DLGAP3: variants seen among roughly 807,000 people sequenced by gnomAD.
The protein encoded by DLGAP3 is DLG associated protein 3, also known as disks large-associated protein 3.
DLGAP3 carries 17 observed loss-of-function variants against 81.2 expected under a neutral mutation model. That is an observed-to-expected ratio of 0.21 (90% CI 0.14 to 0.31). The LOEUF is 0.31. Ranked by LOEUF, DLGAP3 falls within the 10% of genes least tolerant of loss-of-function variation. The probability of loss-of-function intolerance (pLI) is 1.00; values close to 1 mark genes in which losing one functional copy is unlikely to be tolerated. For synonymous variants in DLGAP3, 577 were observed against 587.4 expected, an observed-to-expected ratio of 0.98 and a Z score of 0.26; for missense variants, 1,124 against 1,388.0, an observed-to-expected ratio of 0.81 and a Z score of 3.02.
intron 5 of DLGAP3, among the ~76,000 whole-genome samples, chr1:34,899,335 T>C (rs1472514004): frequency 6.6e-6 from 1 of 152,236 alleles, no homozygotes. Context: ...CCCAAAGTGC[T>C]GGGATCACAG....
rs746132929 is a variant in DLGAP3 at position 34,868,901 on chromosome 1, G to A, written c.2189C>T (p.Thr730Met). The change falls in exon 9 of 12, where the codon ACG (threonine) becomes ATG (methionine). Residue 730 changes from threonine to methionine, a missense_variant. This residue lies in a region of DLGAP3 where 379 missense variants were observed against 455.7 expected (regional missense o/e 0.83). Coordinates refer to ENST00000373347, the MANE Select transcript of DLGAP3 (RefSeq NM_001080418.3). The surrounding 1 kb of genome is among the most constrained non-coding windows in gnomAD (Gnocchi z 7.5). ...PRAPTYSVFR[T>M]VHTQGQWAYR... is the part of the protein sequence containing the mutation. ...GGCCCACTGGCCCTGCGTGTGGACCGTGCGGAAGACTGAGTAGGTGGGGGC... is the reference window on the plus strand; with the variant it reads ...GGCCCACTGGCCCTGCGTGTGGACCATGCGGAAGACTGAGTAGGTGGGGGC... The A allele has an allele frequency of 1.2e-5, 20 of 1,606,042 alleles. No individual in the cohort carries two copies. Among genetic ancestry groups the A allele is most frequent in the East Asian group, 2.2e-5 (1 of 44,858 alleles).
At chr1:34,874,979 G>A (rs1463855416) in intron 8 of DLGAP3, among the ~76,000 whole-genome samples, 1 of 152,102 alleles carries the variant, frequency 6.6e-6, no homozygotes, top group Non-Finnish European at 1.5e-5. Context: ...CCAGCCTGGG[G>A]GCTGTGACAG....
intron 1 of DLGAP3, among the ~76,000 whole-genome samples, chr1:34,910,822 C>G (rs1639628380): frequency 6.6e-6 from 1 of 152,194 alleles, no homozygotes; most frequent in Admixed American, 6.5e-5. Context: ...GATTGTCCAT[C>G]TCTCCCATTA....
intron 3 of DLGAP3, among the ~76,000 whole-genome samples, chr1:34,901,987 A>G (rs1291718991): frequency 6.6e-6 from 1 of 152,162 alleles, no homozygotes; most frequent in East Asian, 1.9e-4. Context: ...CAAGCCCTGG[A>G]AGAAGGATCG....
At chr1:34,901,189 G>A (rs1430643287) in intron 3 of DLGAP3, among the ~76,000 whole-genome samples, 4 of 152,056 alleles carry the variant, frequency 2.6e-5, no homozygotes, top group African/African-American at 7.2e-5. Context: ...AGTCATGGGC[G>A]GCAGCTGAAT....
At chr1:34,884,120 T>C (rs1019952626) in intron 8 of DLGAP3, among the ~76,000 whole-genome samples, 2 of 152,024 alleles carry the variant, frequency 1.3e-5, no homozygotes, top group African/African-American at 4.8e-5. Flanking sequence ...GGTTTTGCCA[T>C]GTTGGCCAGG....
chr1:34,908,559 AGCCGTGACTGGAAGACTAATGAT>A (rs1267636461), intron 1 of DLGAP3, among the ~76,000 whole-genome samples: 1 of 152,214 alleles, frequency 6.6e-6, no homozygotes, highest in Non-Finnish European at 1.5e-5. Context: ...AGTTTGCAGC[AGCCGTGACTGGAAGACTAATGAT>A]GTCATTATTA....
chr1:34,896,324 T>C (rs1475829131), intron 5 of DLGAP3, among the ~76,000 whole-genome samples: 1 of 151,994 alleles, frequency 6.6e-6, no homozygotes, highest in African/African-American at 2.4e-5. Context: ...TGGTGGCTCA[T>C]GTCTGTAAAC....
Position 34,865,952 on chromosome 1 carries a change from CG to C in DLGAP3, c.*130del. ...AAAACCCACGAGAGTGTGACGGGCC[CG>C]GGGGCCGGGGCGTCCGGTGCCGGTG... On this transcript the variant is annotated 3_prime_UTR_variant, in exon 12 of 12. Transcript: ENST00000373347. 5.0e-6 allele frequency: 4 copies of C among 807,568 alleles called. No homozygotes were observed. The highest frequency in any genetic ancestry group is 1.8e-5 in the African/African-American group (1 of 56,744). 50.0% of individuals were successfully genotyped at this position (807,568 alleles called of 1,614,324 possible).
At chr1:34,892,736 C>A (rs1372420093) in intron 5 of DLGAP3, among the ~76,000 whole-genome samples, 1 of 151,996 alleles carries the variant, frequency 6.6e-6, no homozygotes, top group Non-Finnish European at 1.5e-5. Context: ...GCTCAATGAA[C>A]CTAAAGTAGG....
chr1:34,872,769 T>C (rs1197678720), intron 8 of DLGAP3, among the ~76,000 whole-genome samples: 2 of 152,186 alleles, frequency 1.3e-5, no homozygotes, highest in Admixed American at 6.5e-5. Flanking sequence ...GCTCTGAAGA[T>C]AGAAGCAAGC....
chr1:34,907,132 C>T (rs1285025333), intron 2 of DLGAP3, among the ~76,000 whole-genome samples: 1 of 152,172 alleles, frequency 6.6e-6, no homozygotes, highest in Non-Finnish European at 1.5e-5. Flanking sequence ...TTCCCAAGTA[C>T]TCGCCATATA....
chr1:34,872,005 T>C (rs1337307672), intron 8 of DLGAP3, among the ~76,000 whole-genome samples: 1 of 152,084 alleles, frequency 6.6e-6, no homozygotes, highest in Non-Finnish European at 1.5e-5. Context: ...CGCTTATCCC[T>C]GTGCAAGTGG....
chr1:34,915,609 T>G (rs1639705164), intron 1 of DLGAP3, among the ~76,000 whole-genome samples: 1 of 152,188 alleles, frequency 6.6e-6, no homozygotes, highest in Non-Finnish European at 1.5e-5. Context: ...GCCTGAGCCC[T>G]CCTTCTGAGC....
chr1:34,918,667 C>G (rs1490751881), intron 1 of DLGAP3, among the ~76,000 whole-genome samples: 2 of 152,178 alleles, frequency 1.3e-5, no homozygotes, highest in African/African-American at 4.8e-5. Context: ...GGGCTCTTAT[C>G]CCCTCAGCCC....
At chr1:34,881,563 T>A (rs1195980227) in intron 8 of DLGAP3, among the ~76,000 whole-genome samples, 1 of 152,062 alleles carries the variant, frequency 6.6e-6, no homozygotes, top group Non-Finnish European at 1.5e-5. Flanking sequence ...AGAAGGAGCC[T>A]GGAGTTCTGA....
chr1:34,888,951 C>T (rs1004555407), intron 5 of DLGAP3, among the ~76,000 whole-genome samples: 1 of 152,188 alleles, frequency 6.6e-6, no homozygotes, highest in African/African-American at 2.4e-5. Context: ...TAATCTAACC[C>T]TAGCAGAAAG....
intron 5 of DLGAP3, among the ~76,000 whole-genome samples, chr1:34,896,585 T>TCACACACACACACA (rs10593156): frequency 0.018 from 2,663 of 146,848 alleles, 39 homozygotes; most frequent in Middle Eastern, 0.024. Flanking sequence ...CCAGACTCCA[T>TCACACACACACACA]CACACACACA....
intron 8 of DLGAP3, among the ~76,000 whole-genome samples, chr1:34,881,900 C>A (rs75067580): frequency 0.052 from 7,863 of 152,190 alleles, 352 homozygotes; most frequent in East Asian, 0.2. Context: ...TTTCCTTAAC[C>A]TGACAAATGG....
Sources: allele counts gnomAD v4.1 joint callset (sites outside exome capture counted in the v4.1 genomes callset), GRCh38; gene constraint gnomAD v4.1.1; regional missense constraint gnomAD v4.1.1; non-coding constraint Gnocchi (gnomAD v3.1); transcripts MANE v1.5; gene names NCBI Gene and HGNC (gene_info 2026-07-23, HGNC 2026-07-21).